Variants in SV2C observed in about 807,000 individuals in gnomAD.
SV2C encodes solute carrier family 22 member B3.
SV2C carries 49 observed loss-of-function variants against 79.7 expected under a neutral mutation model. The observed-to-expected ratio is 0.61, with a 90% CI of 0.49 to 0.78. The LOEUF is 0.78. Ranked by LOEUF, SV2C falls within the 30% of genes least tolerant of loss-of-function variation. The pLI, the probability that SV2C is intolerant of heterozygous loss-of-function variation, is 0.00. For missense variants in SV2C, 833 were observed against 912.9 expected (o/e 0.91, Z 1.13); for synonymous variants, 334 against 333.2 (o/e 1.00, Z -0.03).
At chr5:76,009,144 A>C in the SV2C span, among the ~76,000 whole-genome samples, 1 of 152,184 alleles carries the variant, frequency 6.6e-6, no homozygotes, top group Non-Finnish European at 1.5e-5. Context: ...CTTCTTGGCC[A>C]ATAAACACAT....
intron 12 of SV2C, among the ~76,000 whole-genome samples, chr5:76,319,912 A>G (rs1748770227): frequency 6.6e-6 from 1 of 152,196 alleles, no homozygotes; most frequent in African/African-American, 2.4e-5. Context: ...CTTATCAGCA[A>G]CATACACTCA....
the SV2C span, among the ~76,000 whole-genome samples, chr5:75,945,716 C>A: frequency 6.6e-6 from 1 of 151,948 alleles, no homozygotes; most frequent in Non-Finnish European, 1.5e-5. Context: ...GAATTAAAAT[C>A]ATACGAGTAT....
the SV2C span, among the ~76,000 whole-genome samples, chr5:76,037,900 T>C: frequency 3.3e-5 from 5 of 152,214 alleles, no homozygotes; most frequent in Admixed American, 6.5e-5. Flanking sequence ...TGAGACTCCG[T>C]GGGCATAGGA....
At chr5:76,025,585 AC>A in the SV2C span, among the ~76,000 whole-genome samples, 1 of 152,218 alleles carries the variant, frequency 6.6e-6, no homozygotes, top group Non-Finnish European at 1.5e-5. Flanking sequence ...TTTGAAAACA[AC>A]AAAAACATCC....
chr5:76,266,315 C>T (rs1194390233), intron 4 of SV2C, among the ~76,000 whole-genome samples: 1 of 152,178 alleles, frequency 6.6e-6, no homozygotes, highest in Admixed American at 6.5e-5. Context: ...TCAAGGGACT[C>T]TCCTGCCTCA....
the SV2C span, among the ~76,000 whole-genome samples, chr5:75,907,955 A>G: frequency 3.9e-5 from 6 of 152,356 alleles, no homozygotes; most frequent in Middle Eastern, 6.8e-3. Flanking sequence ...TCATAGGAGC[A>G]CTAATGGGAG....
the SV2C span, among the ~76,000 whole-genome samples, chr5:75,917,765 G>C: frequency 1.3e-5 from 2 of 152,078 alleles, no homozygotes; most frequent in Admixed American, 6.5e-5. Flanking sequence ...TAGGACAATA[G>C]GGTGACTATA....
chr5:75,937,721 A>G, the SV2C span, among the ~76,000 whole-genome samples: 2 of 151,754 alleles, frequency 1.3e-5, no homozygotes, highest in African/African-American at 4.9e-5. Context: ...GAAACAAAAA[A>G]ACAAAACAAA....
chr5:76,324,892 G>A (rs1392831454), intron 12 of SV2C, among the ~76,000 whole-genome samples: 2 of 151,852 alleles, frequency 1.3e-5, no homozygotes, highest in Non-Finnish European at 2.9e-5. Context: ...GTATGGTGGT[G>A]TGCACCTGTA....
chr5:76,203,804 C>T (rs767506108), intron 3 of SV2C, among the ~76,000 whole-genome samples: 4 of 152,136 alleles, frequency 2.6e-5, no homozygotes, highest in South Asian at 2.1e-4. Context: ...CTTCATATAT[C>T]GAAGAATATT....
At chr5:76,029,936 G>A in the SV2C span, among the ~76,000 whole-genome samples, 1 of 152,150 alleles carries the variant, frequency 6.6e-6, no homozygotes, top group African/African-American at 2.4e-5. Flanking sequence ...AGTAGGTTCT[G>A]TCTCTGCTTC....
At chr5:75,959,139 A>G in the SV2C span, among the ~76,000 whole-genome samples, 2 of 151,942 alleles carry the variant, frequency 1.3e-5, no homozygotes, top group African/African-American at 2.4e-5. Context: ...TGATGATGCA[A>G]GGATAAAAAC....
intron 12 of SV2C, among the ~76,000 whole-genome samples, chr5:76,307,075 G>A (rs1204599859): frequency 6.6e-6 from 1 of 152,094 alleles, no homozygotes; most frequent in Non-Finnish European, 1.5e-5. Context: ...TGCCTGCCAT[G>A]GATTTCTTTG....
At chr5:76,064,142 C>T in the SV2C span, among the ~76,000 whole-genome samples, 2 of 152,272 alleles carry the variant, frequency 1.3e-5, no homozygotes, top group Admixed American at 6.5e-5. Flanking sequence ...AATAAGCCCT[C>T]GCTGCTGCAC....
At position 76,295,839 on chromosome 5, in the gene SV2C, G is replaced by A; in HGVS notation, c.1399G>A (p.Ala467Thr). 1 of 1,613,506 alleles carries A rather than the reference G, an allele frequency of 6.2e-7. No individual in the cohort carries two copies. Among genetic ancestry groups the A allele is most frequent in the Non-Finnish European group, 8.5e-7 (1 of 1,179,758 alleles). ...TAAACCTCTGCAGTCCGATGAATAT[G>A]CATTGCTAACCAGAAATGTGGAGAG... ...VIKPLQSDEYALLTRNVERDK... is the reference protein window; with the variant it reads ...VIKPLQSDEYTLLTRNVERDK... Residue 467 changes from alanine to threonine, a missense_variant, in exon 9 of 13, where the codon GCA becomes ACA. By Grantham distance (58) the Ala-to-Thr change is moderately conservative. Transcript: ENST00000502798.
chr5:75,961,634 T>A, the SV2C span, among the ~76,000 whole-genome samples: 1 of 151,994 alleles, frequency 6.6e-6, no homozygotes, highest in African/African-American at 2.4e-5. Flanking sequence ...TGTTTTAAAA[T>A]TTTAATTACA....
chr5:76,092,073 AT>A (rs1747395908), intron 1 of SV2C, among the ~76,000 whole-genome samples: 2 of 152,214 alleles, frequency 1.3e-5, no homozygotes, highest in South Asian at 4.1e-4. Flanking sequence ...CAGAATATAA[AT>A]ATACATATTT....
the SV2C span, among the ~76,000 whole-genome samples, chr5:75,879,832 G>T: frequency 2.0e-5 from 3 of 152,196 alleles, no homozygotes; most frequent in Non-Finnish European, 4.4e-5. Context: ...CTCTGTTAAG[G>T]TTCTGCCTCT....
At chr5:76,296,342 C>T (rs1262312575) in intron 9 of SV2C, among the ~76,000 whole-genome samples, 1 of 152,076 alleles carries the variant, frequency 6.6e-6, no homozygotes, top group Admixed American at 6.5e-5. Flanking sequence ...TCTTCTATTC[C>T]TGAGAAACAG....
Sources: allele counts gnomAD v4.1 joint callset (sites outside exome capture counted in the v4.1 genomes callset), GRCh38; gene constraint gnomAD v4.1.1; transcripts MANE v1.5; gene names NCBI Gene and HGNC (gene_info 2026-07-23, HGNC 2026-07-21).